NT5C1A: variants seen among roughly 807,000 people sequenced by gnomAD.
NT5C1A encodes 5'-nucleotidase, cytosolic IA.
A neutral mutation model predicts 31.0 loss-of-function variants in NT5C1A; 18 were observed. The ratio of observed to expected loss-of-function variants is 0.58; its 90% CI spans 0.40 to 0.86. The LOEUF (loss-of-function observed/expected upper bound fraction) is 0.86, where lower values mean the gene tolerates loss of function less well. NT5C1A is among the 40% of genes least tolerant of loss of function. The probability of loss-of-function intolerance (pLI) is 0.00; values close to 1 mark genes in which losing one functional copy is unlikely to be tolerated. For synonymous variants in NT5C1A, 185 were observed against 203.6 expected, an observed-to-expected ratio of 0.91 and a Z score of 0.78; for missense variants, 470 against 505.4, an observed-to-expected ratio of 0.93 and a Z score of 0.67.
Position 39,658,988 on chromosome 1 carries a change from A to T in NT5C1A, c.*133T>A. ...CCCGTCTGCATAATTTCCTACAAGT[A>T]CATCACTCATAGGGATGAGGGCAGA... On this transcript the variant is annotated 3_prime_UTR_variant, in exon 6 of 6. Transcript: ENST00000235628. The T allele has an allele frequency of 8.1e-7, 1 of 1,233,500 alleles. No individual in the cohort carries two copies. Among genetic ancestry groups the T allele is most frequent in the Non-Finnish European group, 1.1e-6 (1 of 894,802 alleles). 76.4% of individuals were successfully genotyped at this position (1,233,500 alleles called of 1,614,324 possible).
chr1:39,653,668 A>G lies in NT5C1A; in HGVS notation c.*5453T>C, dbSNP rs1164208638. 6.6e-6 allele frequency among the ~76,000 whole-genome samples: 1 copy of G among 152,166 alleles called. No individual in the cohort carries two copies. The highest frequency in any genetic ancestry group is 1.5e-5 in the Non-Finnish European group (1 of 68,020). On this transcript the variant is annotated 3_prime_UTR_variant, in exon 6 of 6. Transcript: ENST00000235628. ...GAAAAGTAAATCAGTGGGTAGAATC[A>G]CTTGACTACTGCCAGCAGCTGCGTG...
chr1:39,666,300 G>A (rs981297892), intron 1 of NT5C1A, 64 bp from the exon 2 acceptor site: 31 of 1,525,612 alleles, frequency 2.0e-5, no homozygotes, highest in Non-Finnish European at 2.6e-5. Context: ...GCTCACATGT[G>A]TGAGTCTCCC....
chr1:39,656,245 G>T lies in NT5C1A; in HGVS notation c.*2876C>A, dbSNP rs1327432647. Among the ~76,000 whole-genome samples the T allele has an allele frequency of 2.0e-5, 3 of 152,140 alleles. No homozygotes were observed. Among genetic ancestry groups the T allele is most frequent in the Non-Finnish European group, 2.9e-5 (2 of 68,034 alleles). The stretch of plus-strand genomic sequence containing the variant: ...CTCCACCTCAGTGCTGCATTCCCTG[G>T]TTAGGCCTGGGACTTTGGTGTTCAC... On this transcript the variant is annotated 3_prime_UTR_variant, in exon 6 of 6. Coordinates refer to ENST00000235628, the MANE Select transcript of NT5C1A (RefSeq NM_032526.3).
At position 39,670,885 on chromosome 1, in the gene NT5C1A, C is replaced by T. The variant is rs554849839; in HGVS notation, c.135+1019G>A. ...CTACTCTACTCCCCCCCCAACTCCC[C>T]TAGGCTCTCATCTCTGGAGCCTCCA... On this transcript the variant is annotated intron_variant, in intron 1 of 5. Transcript: ENST00000235628. 3.2e-4 allele frequency among the ~76,000 whole-genome samples: 49 copies of T among 152,264 alleles called. 1 individual carries two copies. In the South Asian group the frequency reaches 8.7e-3, roughly 27 times the overall value.
At position 39,659,307 on chromosome 1, in the gene NT5C1A, C is replaced by T; in HGVS notation, c.921G>A (p.Leu307=). 1 of 1,614,068 alleles carries T rather than the reference C, an allele frequency of 6.2e-7. No individual in the cohort carries two copies. The highest frequency in any genetic ancestry group is 8.5e-7 in the Non-Finnish European group (1 of 1,180,038). Residue 307 remains leucine (L), a synonymous_variant, in exon 6 of 6, where the codon TTG becomes TTA. Coordinates refer to ENST00000235628, the MANE Select transcript of NT5C1A (RefSeq NM_032526.3). ...RSWGLETDEA[L]FLAGAPKGPL... ...GGCCCTTGGGCGCTCCAGCAAGGAA[C>T]AAGGCTTCATCTGTCTCCAGGCCCC...
rs1313586867 is a variant in NT5C1A at position 39,652,179 on chromosome 1, T to G, written c.*6942A>C. On this transcript the variant is annotated 3_prime_UTR_variant, in exon 6 of 6. Coordinates refer to ENST00000235628, the MANE Select transcript of NT5C1A (RefSeq NM_032526.3). The stretch of plus-strand genomic sequence containing the variant: ...GAGTGTAATATCCTCAGACTCTCAG[T>G]GACTTGGGTCTTAAAAACCCAAGTC... 6.6e-6 allele frequency among the ~76,000 whole-genome samples: 1 copy of G among 151,766 alleles called. No homozygotes were observed. Among genetic ancestry groups the G allele is most frequent in the Non-Finnish European group, 1.5e-5 (1 of 67,984 alleles).
chr1:39,652,711 A>G lies in NT5C1A; in HGVS notation c.*6410T>C, dbSNP rs1357347166. 6.6e-6 allele frequency among the ~76,000 whole-genome samples: 1 copy of G among 151,960 alleles called. No homozygotes were observed. Among genetic ancestry groups the G allele is most frequent in the Non-Finnish European group, 1.5e-5 (1 of 67,974 alleles). On this transcript the variant is annotated 3_prime_UTR_variant, in exon 6 of 6. Transcript: ENST00000235628. ...TTTGGTTTGCCTTACAGAGGCTTTC[A>G]CTTTGCAAAGATGAGTAACTGAAAA...
chr1:39,656,186 C>T lies in NT5C1A; in HGVS notation c.*2935G>A, dbSNP rs1646458043. On this transcript the variant is annotated 3_prime_UTR_variant, in exon 6 of 6. Transcript: ENST00000235628. ...CTTGTTGGGGAAGTGGTGCTCTCAG[C>T]TAAAGGGGTCCAGTGTTTCAGAAGC... 6.6e-6 allele frequency among the ~76,000 whole-genome samples: 1 copy of T among 152,190 alleles called. No individual in the cohort carries two copies. Among genetic ancestry groups the T allele is most frequent in the Admixed American group, 6.5e-5 (1 of 15,278 alleles).
rs1249038475 is a variant in NT5C1A, at chr1:39,658,772, G to A, written c.*349C>T. Among the ~76,000 whole-genome samples, 1 of 152,180 alleles carries A rather than the reference G, an allele frequency of 6.6e-6. No individual in the cohort carries two copies. The highest frequency in any genetic ancestry group is 1.5e-5 in the Non-Finnish European group (1 of 68,040). ...GCCAGATCCACTCTCTCCCATAGCA[G>A]TGTTGTTTACACCACATTGAGCTAG... On this transcript the variant is annotated 3_prime_UTR_variant, in exon 6 of 6. Coordinates refer to ENST00000235628, the MANE Select transcript of NT5C1A (RefSeq NM_032526.3).
rs148913480 is a variant in NT5C1A, at chr1:39,654,485, G to T, written c.*4636C>A. Among the ~76,000 whole-genome samples, 1 of 152,188 alleles carries T rather than the reference G, an allele frequency of 6.6e-6. No individual in the cohort carries two copies. The highest frequency in any genetic ancestry group is 2.4e-5 in the African/African-American group (1 of 41,448). ...AAGAGGCCCCATGAGGAAATGAGTCGGGAATACAAAGCCATGCTGGACAGC... is the reference window on the plus strand; with the variant it reads ...AAGAGGCCCCATGAGGAAATGAGTCTGGAATACAAAGCCATGCTGGACAGC... On this transcript the variant is annotated 3_prime_UTR_variant, in exon 6 of 6. Coordinates refer to ENST00000235628, the MANE Select transcript of NT5C1A (RefSeq NM_032526.3).
chr1:39,667,258 G>A (rs1646528701), intron 1 of NT5C1A, among the ~76,000 whole-genome samples: 2 of 144,624 alleles, frequency 1.4e-5, no homozygotes, highest in South Asian at 2.2e-4. Flanking sequence ...CTGGAGTGCA[G>A]TGGTGTGATC....
At chr1:39,660,068 C>T (rs928671426) in intron 5 of NT5C1A, among the ~76,000 whole-genome samples, 2 of 152,202 alleles carry the variant, frequency 1.3e-5, no homozygotes, top group African/African-American at 2.4e-5. Flanking sequence ...AAGAAAACTG[C>T]TTATTTCCAA....
rs943994143 is a variant in NT5C1A at position 39,654,734 on chromosome 1, A to G, written c.*4387T>C. Among the ~76,000 whole-genome samples, 1 of 152,214 alleles carries G rather than the reference A, an allele frequency of 6.6e-6. No individual in the cohort carries two copies. Among genetic ancestry groups the G allele is most frequent in the Non-Finnish European group, 1.5e-5 (1 of 68,030 alleles). On this transcript the variant is annotated 3_prime_UTR_variant, in exon 6 of 6. Coordinates refer to ENST00000235628, the MANE Select transcript of NT5C1A (RefSeq NM_032526.3). ...CCTCCGCCCACAGATGCATAGGTGGATGTGACCTGGCTCATCCCACTGAGG... is the reference window on the plus strand; with the variant it reads ...CCTCCGCCCACAGATGCATAGGTGGGTGTGACCTGGCTCATCCCACTGAGG...
intron 2 of NT5C1A, 114 bp downstream of exon 2, chr1:39,665,955 G>C (rs1646519296): frequency 1.0e-6 from 1 of 973,744 alleles, no homozygotes; most frequent in Non-Finnish European, 1.5e-6. Context: ...GTGTACCTGT[G>C]TGGTTACATC....
intron 1 of NT5C1A, among the ~76,000 whole-genome samples, chr1:39,667,141 A>G (rs751752533): frequency 6.6e-6 from 1 of 150,676 alleles, no homozygotes; most frequent in African/African-American, 2.5e-5. Context: ...CCCTCTTCCA[A>G]TCCCCTAGCT....
In NT5C1A at chr1:39,671,991, C is replaced by T. The variant is rs200294624; in HGVS notation, c.48G>A (p.Gly16=). ...GGGCCGCAGCGGTCTCCGCTCCTGGCCCGGGCTCGCGGGGCTCCTGGGGCT... is the reference window on the plus strand; with the variant it reads ...GGGCCGCAGCGGTCTCCGCTCCTGGTCCGGGCTCGCGGGGCTCCTGGGGCT... ...PREPQEPREP[G]PGAETAAAPV... The change falls in exon 1 of 6, where the codon GGG becomes GGA. Residue 16 remains glycine, a synonymous_variant. Coordinates refer to ENST00000235628, the MANE Select transcript of NT5C1A (RefSeq NM_032526.3). 1.9e-6 allele frequency: 3 copies of T among 1,609,936 alleles called. No homozygotes were observed. The highest frequency in any genetic ancestry group is 2.5e-6 in the Non-Finnish European group (3 of 1,179,624).
chr1:39,663,273 G>T, intron 4 of NT5C1A, 39 bp downstream of exon 4: 1 of 1,613,030 alleles, frequency 6.2e-7, no homozygotes, highest in Non-Finnish European at 8.5e-7. Context: ...GGACCCCTTT[G>T]CTGCACTCCC....
rs1243234066 is a variant in NT5C1A, at chr1:39,652,644, C to T, written c.*6477G>A. 6.6e-6 allele frequency among the ~76,000 whole-genome samples: 1 copy of T among 152,150 alleles called. No individual in the cohort carries two copies. Among genetic ancestry groups the T allele is most frequent in the African/African-American group, 2.4e-5 (1 of 41,410 alleles). On this transcript the variant is annotated 3_prime_UTR_variant, in exon 6 of 6. Coordinates refer to ENST00000235628, the MANE Select transcript of NT5C1A (RefSeq NM_032526.3). ...GGCCATGAAGGCATATATTCACCCA[C>T]AGGCCAGGAGTGTGGGAGTCAGTGA...
Position 39,652,710 on chromosome 1 carries a change from C to T in NT5C1A, c.*6411G>A, listed in dbSNP as rs1338767591. On this transcript the variant is annotated 3_prime_UTR_variant, in exon 6 of 6. Transcript: ENST00000235628. ...CTTTGGTTTGCCTTACAGAGGCTTT[C>T]ACTTTGCAAAGATGAGTAACTGAAA... Among the ~76,000 whole-genome samples, 1 of 152,242 alleles carries T rather than the reference C, an allele frequency of 6.6e-6. No individual in the cohort carries two copies. The highest frequency in any genetic ancestry group is 2.4e-5 in the African/African-American group (1 of 41,528).
Sources: allele counts gnomAD v4.1 joint callset (sites outside exome capture counted in the v4.1 genomes callset), GRCh38; gene constraint gnomAD v4.1.1; transcripts MANE v1.5; gene names NCBI Gene and HGNC (gene_info 2026-07-23, HGNC 2026-07-21).